The following GMEB2 variants were observed in gnomAD, a reference collection of about 807,000 sequenced individuals.
GMEB2 encodes the protein glucocorticoid modulatory element-binding protein 2.
In GMEB2, 7 loss-of-function variants were observed where a neutral mutation model predicts 45.7. That is an observed-to-expected ratio of 0.15 (90% CI 0.09 to 0.29). The LOEUF (loss-of-function observed/expected upper bound fraction) is 0.29, where lower values mean the gene tolerates loss of function less well. GMEB2 is among the 10% of genes least tolerant of loss of function. The pLI, the probability that GMEB2 is intolerant of heterozygous loss-of-function variation, is 1.00. For missense variants in GMEB2, 582 were observed against 739.2 expected (o/e 0.79, Z 2.47); for synonymous variants, 322 against 323.6 (o/e 1.00, Z 0.05).
rs560308806 is a variant in GMEB2, at chr20:63,594,343, G to A, written c.620-1261C>T. Among the ~76,000 whole-genome samples the A allele has an allele frequency of 2.0e-5, 3 of 152,352 alleles. No homozygotes were observed. In the South Asian group the frequency reaches 6.2e-4, roughly 32 times the overall value. On this transcript the variant is annotated intron_variant, in intron 6 of 9. Transcript: ENST00000370077. ...CTTCCCTGGCAGGCGGTCAGGCAGG[G>A]CCAACACTAACGCGGTGGAGCCGCT...
intron 5 of GMEB2, among the ~76,000 whole-genome samples, chr20:63,596,038 C>T (rs992283831): frequency 1.3e-5 from 2 of 152,222 alleles, no homozygotes; most frequent in South Asian, 2.1e-4. Context: ...TGGAGGTGCC[C>T]GTCAGAGTCT....
At position 63,593,024 on chromosome 20, in the gene GMEB2, G is replaced by C. The variant is rs746499269; in HGVS notation, c.678C>G (p.Thr226=). The C allele has an allele frequency of 3.7e-6, 6 of 1,609,572 alleles. No homozygotes were observed. The South Asian group carries it at 6.6e-5, about 18-fold the overall frequency. Reference sequence around the variant, plus strand: ...GGAACCTCGTACCTCCAATGGCCGCGGTCCAGTCGCCAGGGTCTTCACAGG... The same window carrying C: ...GGAACCTCGTACCTCCAATGGCCGCCGTCCAGTCGCCAGGGTCTTCACAGG... ...IETCEDPGDW[T]AAIGDDTFTF... The change falls in exon 7 of 10, where the codon ACC becomes ACG. Residue 226 remains threonine (T), a synonymous_variant. Coordinates refer to ENST00000370077, the MANE Select transcript of GMEB2 (RefSeq NM_012384.5). The surrounding 1 kb of genome is among the most constrained non-coding windows in gnomAD (Gnocchi z 4.7).
Position 63,589,779 on chromosome 20 carries a change from C to T in GMEB2, c.*310G>A, listed in dbSNP as rs1227150492. On this transcript the variant is annotated 3_prime_UTR_variant, in exon 10 of 10. Transcript: ENST00000370077. ...TCTGCTGCACCCAGGCTCCCCCTAG[C>T]CCCCGCCCACCTGGCTCCTGATCAA... 3.7e-6 allele frequency: 1 copy of T among 270,352 alleles called. No individual in the cohort carries two copies. Among genetic ancestry groups the T allele is most frequent in the African/African-American group, 2.2e-5 (1 of 45,644 alleles). The allele number at this position is 270,352 out of a possible 1,614,324, so 16.7% of individuals were successfully genotyped here. A position where few individuals can be genotyped will look rare whatever the true frequency, so the allele number is the denominator to read the frequency against.
chr20:63,622,975 G>T (rs1055528905), intron 1 of GMEB2, among the ~76,000 whole-genome samples: 3 of 152,188 alleles, frequency 2.0e-5, no homozygotes, highest in African/African-American at 7.2e-5. Flanking sequence ...TAGGTTTAGG[G>T]TAAGAAGGGG....
At chr20:63,591,255 A>C (rs2083144843) in intron 9 of GMEB2, among the ~76,000 whole-genome samples, 2 of 152,190 alleles carry the variant, frequency 1.3e-5, no homozygotes, top group Non-Finnish European at 2.9e-5. Context: ...CACAGTGCAC[A>C]CACACTGAAT....
At chr20:63,599,129 C>A (rs946456484) in intron 4 of GMEB2, among the ~76,000 whole-genome samples, 1 of 151,970 alleles carries the variant, frequency 6.6e-6, no homozygotes, top group Non-Finnish European at 1.5e-5. Context: ...CCACTCCTGA[C>A]CCCCCAGAGC....
chr20:63,611,077 C>T (rs2089566357), intron 2 of GMEB2, among the ~76,000 whole-genome samples: 1 of 152,238 alleles, frequency 6.6e-6, no homozygotes, highest in African/African-American at 2.4e-5. Context: ...CCAGTGTCTG[C>T]TGCTTTAAGC....
In GMEB2 at chr20:63,592,629, G is replaced by T; in HGVS notation, c.733C>A (p.Leu245Met). The change falls in exon 8 of 10, where the codon CTG (leucine) becomes ATG (methionine). Residue 245 changes from leucine (L) to methionine (M), a missense_variant. Physicochemically the swap from Leu to Met is conservative, Grantham distance 15. Around this residue, in one of 3 missense-constraint regions of GMEB2, gnomAD observed 462 missense variants for 586.7 expected, o/e 0.79. Transcript: ENST00000370077. This position sits in a 1 kb window ranked among gnomAD's most constrained non-coding sequence, Gnocchi z 8.2. ...TFWRGLKDAGLLDEVIQEFHQ... is the reference protein window; with the variant it reads ...TFWRGLKDAGMLDEVIQEFHQ... ...AACTCCTGGATGACCTCGTCCAGCA[G>T]GCCGGCGTCCTTCAGCCCCCGCCAG... 6.2e-7 allele frequency: 1 copy of T among 1,612,632 alleles called. No homozygotes were observed. Among genetic ancestry groups the T allele is most frequent in the Non-Finnish European group, 8.5e-7 (1 of 1,178,672 alleles).
rs752568661 is a variant in GMEB2, at chr20:63,592,107, G to A, written c.867C>T (p.Gly289=). Residue 289 remains glycine, a synonymous_variant, in exon 9 of 10, where the codon GGC becomes GGT. Coordinates refer to ENST00000370077, the MANE Select transcript of GMEB2 (RefSeq NM_012384.5). The surrounding 1 kb of genome is among the most constrained non-coding windows in gnomAD (Gnocchi z 8.2). ...VLLNNIVQNF[G]MLDLVKKVLA... The stretch of plus-strand genomic sequence containing the variant: ...GCACCTTCTTCACCAGGTCCAGCAT[G>A]CCGAAGTTCTGCACGATGTTGTTGA... 6.2e-6 allele frequency: 10 copies of A among 1,613,318 alleles called. No individual in the cohort carries two copies. The East Asian group carries it at 2.0e-4, about 32-fold the overall frequency.
At chr20:63,605,231 T>C (rs1161556236) in intron 2 of GMEB2, among the ~76,000 whole-genome samples, 1 of 138,032 alleles carries the variant, frequency 7.2e-6, no homozygotes, top group Non-Finnish European at 1.6e-5. Context: ...AGAGCGAGAC[T>C]CTGTCTCAAA....
In GMEB2 at chr20:63,592,025, C is replaced by T. The variant is rs754052536; in HGVS notation, c.949G>A (p.Ala317Thr). The T allele has an allele frequency of 1.2e-6, 2 of 1,609,872 alleles. No individual in the cohort carries two copies. The highest frequency in any genetic ancestry group is 1.3e-5 in the African/African-American group (1 of 74,914). ...RSREQYARDL[A>T]ALEQQCDEHR... ...GACGGGGGTGGTCTCAGCATACCTG[C>T]CAGGTCCCGGGCGTACTGCTCCCGC... Residue 317 changes from alanine to threonine, a missense_variant, in exon 9 of 10, where the codon GCA becomes ACA. Ala to Thr is a moderately conservative substitution (Grantham distance 58). This residue lies in a region of GMEB2 where 462 missense variants were observed against 586.7 expected (regional missense o/e 0.79). Coordinates refer to ENST00000370077, the MANE Select transcript of GMEB2 (RefSeq NM_012384.5). The surrounding 1 kb of genome is among the most constrained non-coding windows in gnomAD (Gnocchi z 8.2).
At chr20:63,599,684 T>A (rs2083227464) in intron 4 of GMEB2, among the ~76,000 whole-genome samples, 1 of 152,230 alleles carries the variant, frequency 6.6e-6, no homozygotes, top group Non-Finnish European at 1.5e-5. Flanking sequence ...TTCATTATGA[T>A]GTCACCTATG....
intron 4 of GMEB2, among the ~76,000 whole-genome samples, chr20:63,602,070 G>A (rs1390622697): frequency 2.6e-5 from 4 of 152,248 alleles, no homozygotes; most frequent in Non-Finnish European, 5.9e-5. Context: ...TCTGCTCCAG[G>A]AGCACTACTT....
At chr20:63,609,755 C>CA (rs1225751456) in intron 2 of GMEB2, among the ~76,000 whole-genome samples, 1 of 52,476 alleles carries the variant, frequency 1.9e-5, no homozygotes, top group African/African-American at 6.2e-5. Context: ...CCCTCTGACC[C>CA]CACCTCCATT....
intron 1 of GMEB2, among the ~76,000 whole-genome samples, chr20:63,624,088 C>G (rs540976917): frequency 6.8e-6 from 1 of 147,116 alleles, no homozygotes; most frequent in African/African-American, 2.5e-5. Flanking sequence ...TCAGCCTGGG[C>G]GACAGAGCAA....
intron 6 of GMEB2, among the ~76,000 whole-genome samples, chr20:63,594,577 C>A (rs945162969): frequency 2.0e-5 from 3 of 152,226 alleles, no homozygotes; most frequent in Admixed American, 6.5e-5. Flanking sequence ...CAGGACTCAA[C>A]TGGGTCCCAC....
Position 63,619,276 on chromosome 20 carries a change from GC to G in GMEB2, c.121del (p.Ala41ProfsTer7). 1 of 1,610,098 alleles carries G rather than the reference GC, an allele frequency of 6.2e-7. No homozygotes were observed. Reference sequence around the variant, plus strand: ...CGAGGCCCGAGCTTACCCGTGAGGGGCCAAGTTGGTCGTCACCAACACGGTC... The same window carrying G: ...CGAGGCCCGAGCTTACCCGTGAGGGGCAAGTTGGTCGTCACCAACACGGTC... ...VKTVLVTTNLAPHGGDLTEDN... is the reference protein window; with the variant it reads ...VKTVLVTTNLXPHGGDLTEDN... On this transcript the variant is annotated frameshift_variant, in exon 2 of 10. Transcript: ENST00000370077. LOFTEE classifies it high-confidence loss of function. The surrounding 1 kb of genome is among the most constrained non-coding windows in gnomAD (Gnocchi z 4.6).
intron 4 of GMEB2, among the ~76,000 whole-genome samples, chr20:63,601,967 CT>C (rs1284699340): frequency 3.4e-5 from 5 of 145,160 alleles, no homozygotes; most frequent in Admixed American, 6.9e-5. Context: ...GGCTTCTGTG[CT>C]GCCTGTGGCT....
intron 4 of GMEB2, among the ~76,000 whole-genome samples, chr20:63,598,233 G>C (rs1407173061): frequency 6.6e-6 from 1 of 152,146 alleles, no homozygotes; most frequent in African/African-American, 2.4e-5. Flanking sequence ...TTACATCGCA[G>C]ATGGCAACAG....
Sources: gnomAD v4.1 joint callset for allele counts (sites outside exome capture counted in the v4.1 genomes callset) on GRCh38, gnomAD v4.1.1 for gene constraint, gnomAD v4.1.1 regional missense constraint, Gnocchi (gnomAD v3.1) non-coding constraint, MANE v1.5 for transcripts, NCBI Gene and HGNC (gene_info 2026-07-23, HGNC 2026-07-21) for gene names.